Variants in MAGOH observed in about 807,000 individuals in gnomAD.
MAGOH encodes mago homolog, exon junction complex subunit.
A neutral mutation model predicts 20.9 loss-of-function variants in MAGOH; 3 were observed. That is an observed-to-expected ratio of 0.14 (90% CI 0.07 to 0.37). The LOEUF (loss-of-function observed/expected upper bound fraction) is 0.37, where lower values mean the gene tolerates loss of function less well. MAGOH is among the 10% of genes least tolerant of loss of function. The pLI is 1.00. For missense variants in MAGOH, 66 were observed against 178.1 expected (o/e 0.37, Z 3.58); for synonymous variants, 51 against 61.0 (o/e 0.84, Z 0.76).
Position 53,228,806 on chromosome 1 carries a change from G to A in MAGOH, c.341+66C>T. 7 of 1,245,450 alleles carry A rather than the reference G, an allele frequency of 5.6e-6. No homozygotes were observed. The South Asian group carries it at 8.5e-5, about 15-fold the overall frequency. 77.1% of individuals were successfully genotyped at this position (1,245,450 alleles called of 1,614,324 possible). A position where few individuals can be genotyped will look rare whatever the true frequency, so the allele number is the denominator to read the frequency against. On this transcript the variant is annotated intron_variant, in intron 4 of 4. Transcript: ENST00000371470. ...CTCTTCCCATAATGGTCCCAATTTG[G>A]TTAAGGTTTCTTATCAATCTGCTCC... is the stretch of plus-strand genomic sequence containing the variant.
intron 3 of MAGOH, among the ~76,000 whole-genome samples, chr1:53,230,599 T>C (rs1645581767): frequency 6.6e-6 from 1 of 151,830 alleles, no homozygotes; most frequent in East Asian, 1.9e-4. Context: ...TAGGGTTTTT[T>C]TTTTTTTCTT....
chr1:53,227,858 T>C (rs74858199), intron 4 of MAGOH, among the ~76,000 whole-genome samples: 1 of 152,026 alleles, frequency 6.6e-6, no homozygotes, highest in Admixed American at 6.6e-5. Context: ...AAAACTTTTT[T>C]AAAAAGTAGT....
intron 2 of MAGOH, among the ~76,000 whole-genome samples, chr1:53,235,203 A>G (rs1645605409): frequency 6.6e-6 from 1 of 152,220 alleles, no homozygotes; most frequent in Non-Finnish European, 1.5e-5. Context: ...AGCACTTTAA[A>G]TAGAACATAT....
Position 53,238,507 on chromosome 1 carries a change from G to A in MAGOH, c.-59C>T, listed in dbSNP as rs1426786788. The A allele has an allele frequency of 2.0e-6, 3 of 1,484,062 alleles. No individual in the cohort carries two copies. Among genetic ancestry groups the A allele is most frequent in the African/African-American group, 2.8e-5 (2 of 72,378 alleles). 91.9% of individuals were successfully genotyped at this position (1,484,062 alleles called of 1,614,324 possible). On this transcript the variant is annotated 5_prime_UTR_variant, in exon 1 of 5. Coordinates refer to ENST00000371470, the MANE Select transcript of MAGOH (RefSeq NM_002370.4). ...AGAGCAAGCCGCACTGCCGCCGTCTGCGCCCGACACTGACGTTTGCGGCGG... is the reference window on the plus strand; with the variant it reads ...AGAGCAAGCCGCACTGCCGCCGTCTACGCCCGACACTGACGTTTGCGGCGG...
In MAGOH at chr1:53,227,046, T is replaced by G; in HGVS notation, c.440A>C (p.Ter147SerextTer28). Residue 147 changes from the stop codon to serine (S), a stop_lost, in exon 5 of 5, where the codon TAG becomes TCG. Coordinates refer to ENST00000371470, the MANE Select transcript of MAGOH (RefSeq NM_002370.4). Reference sequence around the variant, plus strand: ...CCCATGTCCACACCAATATTCAGTCTAGATTGGTTTAATCTTGAAGTGTAA... The same window carrying G: ...CCCATGTCCACACCAATATTCAGTCGAGATTGGTTTAATCTTGAAGTGTAA... ...IGLHFKIKPI[*>S] The G allele has an allele frequency of 8.3e-7, 1 of 1,204,570 alleles. No homozygotes were observed. Among genetic ancestry groups the G allele is most frequent in the Non-Finnish European group, 1.2e-6 (1 of 836,140 alleles). 74.6% of individuals were successfully genotyped at this position (1,204,570 alleles called of 1,614,324 possible). A position where few individuals can be genotyped will look rare whatever the true frequency, so the allele number is the denominator to read the frequency against.
At chr1:53,237,346 T>G (rs1423639966) in intron 1 of MAGOH, among the ~76,000 whole-genome samples, 1 of 151,824 alleles carries the variant, frequency 6.6e-6, no homozygotes, top group Non-Finnish European at 1.5e-5. Context: ...AGAATGCTTT[T>G]TCAAGAAGAG....
chr1:53,237,511 C>T lies in MAGOH; in HGVS notation c.88+850G>A, dbSNP rs369732040. On this transcript the variant is annotated intron_variant, in intron 1 of 4. Coordinates refer to ENST00000371470, the MANE Select transcript of MAGOH (RefSeq NM_002370.4). ...CCAACATGGTGAAACTCCGTCTCTACTAAAAATACAAAATTAGCCGGGCGT... is the reference window on the plus strand; with the variant it reads ...CCAACATGGTGAAACTCCGTCTCTATTAAAAATACAAAATTAGCCGGGCGT... 1.4e-3 allele frequency among the ~76,000 whole-genome samples: 206 copies of T among 150,760 alleles called. 5 individuals are homozygous for T. In the East Asian group the frequency reaches 0.029, roughly 21 times the overall value.
intron 1 of MAGOH, among the ~76,000 whole-genome samples, chr1:53,238,030 C>T (rs1367207646): frequency 6.6e-6 from 1 of 152,212 alleles, no homozygotes; most frequent in African/African-American, 2.4e-5. Context: ...TTTTTGACCA[C>T]TCACTGCTAT....
chr1:53,232,653 G>A (rs1645591638), intron 3 of MAGOH, among the ~76,000 whole-genome samples: 1 of 152,198 alleles, frequency 6.6e-6, no homozygotes, highest in Non-Finnish European at 1.5e-5. Context: ...AACCACCTAG[G>A]TATGTCTGAG....
intron 2 of MAGOH, 94 bp from the exon 3 acceptor site, chr1:53,233,746 G>C: frequency 1.2e-6 from 1 of 827,074 alleles, no homozygotes; most frequent in Admixed American, 2.0e-5. Flanking sequence ...TGTTCCTGCA[G>C]ACTTATTTCT....
intron 3 of MAGOH, among the ~76,000 whole-genome samples, chr1:53,230,091 G>A (rs939838894): frequency 5.3e-5 from 8 of 152,176 alleles, no homozygotes; most frequent in Admixed American, 5.2e-4. Flanking sequence ...GTAGCCTACT[G>A]GGTGCTGGCT....
chr1:53,229,457 TTGGCCAGGC>T (rs1278599869), intron 3 of MAGOH, among the ~76,000 whole-genome samples: 1 of 152,166 alleles, frequency 6.6e-6, no homozygotes, highest in African/African-American at 2.4e-5. Context: ...TTTCGCCATG[TTGGCCAGGC>T]TGGTCTCGAA....
At chr1:53,236,015 A>G (rs574547913) in intron 1 of MAGOH, among the ~76,000 whole-genome samples, 3 of 152,352 alleles carry the variant, frequency 2.0e-5, no homozygotes, top group Non-Finnish European at 4.4e-5. Context: ...AACATTTTGA[A>G]AACTGTAGGA....
intron 1 of MAGOH, among the ~76,000 whole-genome samples, chr1:53,235,956 G>A (rs1437538587): frequency 6.6e-6 from 1 of 152,210 alleles, no homozygotes; most frequent in Non-Finnish European, 1.5e-5. Flanking sequence ...CCTAGTAACT[G>A]ATAACTTACC....
intron 4 of MAGOH, among the ~76,000 whole-genome samples, chr1:53,228,433 AAAT>A (rs922979859): frequency 6.6e-6 from 1 of 152,008 alleles, no homozygotes; most frequent in Non-Finnish European, 1.5e-5. Flanking sequence ...CTCCATCTCA[AAAT>A]AATAATAATA....
chr1:53,233,848 G>A (rs376314830), intron 2 of MAGOH, 196 bp from the exon 3 acceptor site: 6 of 509,102 alleles, frequency 1.2e-5, no homozygotes, highest in Non-Finnish European at 2.1e-5. Context: ...CTGCACCTCA[G>A]TCCCCTATCT....
chr1:53,235,561 G>T lies in MAGOH; in HGVS notation c.147+16C>A. 6.2e-7 allele frequency: 1 copy of T among 1,610,122 alleles called. No homozygotes were observed. The highest frequency in any genetic ancestry group is 8.5e-7 in the Non-Finnish European group (1 of 1,177,054). On this transcript the variant is annotated intron_variant, in intron 2 of 4. Transcript: ENST00000371470. ...TGTAGCAAATGAAGGACTCTCAGAA[G>T]GCAGAAGGCTCATACCTCTTTTCTG...
intron 2 of MAGOH, 90 bp from the exon 3 acceptor site, chr1:53,233,742 T>C: frequency 7.1e-6 from 6 of 842,724 alleles, no homozygotes; most frequent in Middle Eastern, 5.0e-4. Context: ...TAACTGTTCC[T>C]GCAGACTTAT....
At chr1:53,232,342 C>T (rs919347514) in intron 3 of MAGOH, among the ~76,000 whole-genome samples, 1 of 151,942 alleles carries the variant, frequency 6.6e-6, no homozygotes, top group Admixed American at 6.6e-5. Flanking sequence ...ATTTTAGTCA[C>T]TAGAGATACA....
Sources: gnomAD v4.1 joint callset for allele counts (sites outside exome capture counted in the v4.1 genomes callset) on GRCh38, gnomAD v4.1.1 for gene constraint, MANE v1.5 for transcripts, NCBI Gene and HGNC (gene_info 2026-07-23, HGNC 2026-07-21) for gene names.